The following SHISAL1 variants were observed in gnomAD, a reference collection of about 807,000 sequenced individuals.
The protein encoded by SHISAL1 is shisa like 1.
Under a neutral mutation model 22.6 loss-of-function variants are expected in SHISAL1, and 9 were observed. That is an observed-to-expected ratio of 0.40 (90% confidence interval 0.24 to 0.70). The LOEUF is 0.70. Ranked by LOEUF, SHISAL1 falls within the 30% of genes least tolerant of loss-of-function variation. SHISAL1 has a pLI of 0.39. For synonymous variants in SHISAL1, 119 were observed against 115.4 expected, an observed-to-expected ratio of 1.03 and a Z score of -0.20; for missense variants, 246 against 270.6, an observed-to-expected ratio of 0.91 and a Z score of 0.64.
At chr22:44,257,537 A>G (rs1373937685) in intron 4 of SHISAL1, among the ~76,000 whole-genome samples, 1 of 152,180 alleles carries the variant, frequency 6.6e-6, no homozygotes, top group Admixed American at 6.5e-5. Flanking sequence ...CCCCTGGGCA[A>G]TTTCTGTACT....
At chr22:44,259,452 T>C (rs1384017873) in intron 4 of SHISAL1, among the ~76,000 whole-genome samples, 6 of 123,818 alleles carry the variant, frequency 4.8e-5, no homozygotes, top group East Asian at 2.2e-4. Flanking sequence ...TAGAATAGAA[T>C]AAAAATAAAA....
chr22:44,245,023 C>T lies in SHISAL1; in HGVS notation c.*4662G>A, dbSNP rs2054986689. 6.6e-6 allele frequency: 1 copy of T among 152,316 alleles called. No homozygotes were observed. The highest frequency in any genetic ancestry group is 6.5e-5 in the Admixed American group (1 of 15,282). The allele number at this position is 152,316 out of a possible 1,614,324, so 9.4% of individuals were successfully genotyped here. ...TCTTCCAGAGGGCACAGGGTATGGC[C>T]CCAGCCCAGTGAGGTATTCCTGGAC... On this transcript the variant is annotated 3_prime_UTR_variant, in exon 5 of 5. Coordinates refer to ENST00000381176, the MANE Select transcript of SHISAL1 (RefSeq NM_001099294.2).
chr22:44,282,384 C>T (rs1258713866), intron 4 of SHISAL1, among the ~76,000 whole-genome samples: 1 of 152,228 alleles, frequency 6.6e-6, no homozygotes, highest in African/African-American at 2.4e-5. Context: ...ACCTGACTGC[C>T]CTGTCCTGGC....
chr22:44,297,277 G>C (rs544667145), intron 2 of SHISAL1, among the ~76,000 whole-genome samples: 164 of 152,358 alleles, frequency 1.1e-3, no homozygotes, highest in African/African-American at 3.6e-3. Context: ...CTGAGGCTCA[G>C]AGACCTAAGG....
At position 44,244,156 on chromosome 22, in the gene SHISAL1, G is replaced by A. The variant is rs1416217679; in HGVS notation, c.*5529C>T. Reference sequence around the variant, plus strand: ...AGAAACTGACATGCAATTCCAAGAAGAGGCTCTCTCTTGGGCCACCAGCTT... The same window carrying A: ...AGAAACTGACATGCAATTCCAAGAAAAGGCTCTCTCTTGGGCCACCAGCTT... On this transcript the variant is annotated 3_prime_UTR_variant, in exon 5 of 5. Transcript: ENST00000381176. The A allele has an allele frequency of 2.6e-5, 4 of 152,218 alleles. No individual in the cohort carries two copies. Among genetic ancestry groups the A allele is most frequent in the African/African-American group, 9.6e-5 (4 of 41,458 alleles). 9.4% of individuals were successfully genotyped at this position (152,218 alleles called of 1,614,324 possible). A position where few individuals can be genotyped will look rare whatever the true frequency, so the allele number is the denominator to read the frequency against.
At chr22:44,323,919 A>G in the SHISAL1 span, among the ~76,000 whole-genome samples, 36,100 of 152,124 alleles carry the variant, frequency 0.24, 4,472 homozygotes, top group East Asian at 0.31. Flanking sequence ...CGTCTGCACC[A>G]AACACATTCC....
chr22:44,278,616 A>G lies in SHISAL1; in HGVS notation c.599+6812T>C, dbSNP rs558250662. On this transcript the variant is annotated intron_variant, in intron 4 of 4. Coordinates refer to ENST00000381176, the MANE Select transcript of SHISAL1 (RefSeq NM_001099294.2). ...TGGCTCCGGGTGAACGGGCCTCTCC[A>G]CGCATCTTAATGCCCCCCTGAACCT... Among the ~76,000 whole-genome samples, 13 of 152,262 alleles carry G rather than the reference A, an allele frequency of 8.5e-5. No homozygotes were observed. In the East Asian group the frequency reaches 2.1e-3, roughly 25 times the overall value.
upstream of SHISAL1, among the ~76,000 whole-genome samples, chr22:44,315,492 C>T (rs1018169681): frequency 6.6e-6 from 1 of 152,158 alleles, no homozygotes; most frequent in African/African-American, 2.4e-5. Flanking sequence ...AATTCCCAGC[C>T]TCCTCCTACT....
Position 44,300,975 on chromosome 22 carries a change from T to A in SHISAL1, c.-30A>T, listed in dbSNP as rs2055424656. 1 of 1,604,994 alleles carries A rather than the reference T, an allele frequency of 6.2e-7. No homozygotes were observed. The highest frequency in any genetic ancestry group is 1.1e-5 in the South Asian group (1 of 90,406). ...TGGCTTGCATTGATCCGTCCAGAGCTGCCTGTTCAATGAGAGCCACGAGAG... is the reference window on the plus strand; with the variant it reads ...TGGCTTGCATTGATCCGTCCAGAGCAGCCTGTTCAATGAGAGCCACGAGAG... On this transcript the variant is annotated splice_region_variant and 5_prime_UTR_variant, in exon 2 of 5. Coordinates refer to ENST00000381176, the MANE Select transcript of SHISAL1 (RefSeq NM_001099294.2).
At chr22:44,268,761 C>T (rs1173625310) in intron 4 of SHISAL1, among the ~76,000 whole-genome samples, 3 of 152,134 alleles carry the variant, frequency 2.0e-5, no homozygotes, top group African/African-American at 4.8e-5. Context: ...GGTGGGGAAA[C>T]CTGTGAGGTG....
At chr22:44,287,122 C>G (rs1030470827) in intron 3 of SHISAL1, among the ~76,000 whole-genome samples, 1 of 152,272 alleles carries the variant, frequency 6.6e-6, no homozygotes, top group Non-Finnish European at 1.5e-5. Flanking sequence ...AATTCTTCCT[C>G]TGCCTGGTTT....
rs2054974716 is a variant in SHISAL1, at chr22:44,243,747, A to G, written c.*5938T>C. 1 of 152,260 alleles carries G rather than the reference A, an allele frequency of 6.6e-6. No individual in the cohort carries two copies. The highest frequency in any genetic ancestry group is 2.1e-4 in the South Asian group (1 of 4,830). The allele number at this position is 152,260 out of a possible 1,614,324, so 9.4% of individuals were successfully genotyped here. ...CTACTGTATATAAAGACAAAAGCAGAGCAACAGCGGTCAGTGAAAAACACA... is the reference window on the plus strand; with the variant it reads ...CTACTGTATATAAAGACAAAAGCAGGGCAACAGCGGTCAGTGAAAAACACA... On this transcript the variant is annotated 3_prime_UTR_variant, in exon 5 of 5. Transcript: ENST00000381176.
At chr22:44,269,591 TACACAC>T (rs135419) in intron 4 of SHISAL1, among the ~76,000 whole-genome samples, 5 of 145,028 alleles carry the variant, frequency 3.4e-5, no homozygotes, top group African/African-American at 1.3e-4. Context: ...TACCACACCA[TACACAC>T]ACACACGCCA....
At chr22:44,276,764 G>C (rs928573243) in intron 4 of SHISAL1, among the ~76,000 whole-genome samples, 1 of 152,148 alleles carries the variant, frequency 6.6e-6, no homozygotes, top group Non-Finnish European at 1.5e-5. Flanking sequence ...TCAGGGGAGA[G>C]AGACCAGGGA....
the SHISAL1 span, among the ~76,000 whole-genome samples, chr22:44,323,591 C>T: frequency 6.7e-6 from 1 of 149,506 alleles, no homozygotes; most frequent in African/African-American, 2.5e-5. Flanking sequence ...ACCTCACCCA[C>T]CCATTCATTC....
the SHISAL1 span, among the ~76,000 whole-genome samples, chr22:44,322,863 C>G: frequency 1.3e-5 from 2 of 152,234 alleles, no homozygotes. Flanking sequence ...ACTTCAGCCT[C>G]TTCCTTGGCT....
chr22:44,325,989 A>G, the SHISAL1 span, among the ~76,000 whole-genome samples: 1 of 151,766 alleles, frequency 6.6e-6, no homozygotes, highest in African/African-American at 2.4e-5. Flanking sequence ...CCTTCCCCCA[A>G]CAAACACACT....
chr22:44,328,395 G>A, the SHISAL1 span, among the ~76,000 whole-genome samples: 2 of 152,166 alleles, frequency 1.3e-5, no homozygotes, highest in African/African-American at 2.4e-5. Flanking sequence ...GCTGGGTTCC[G>A]AGTGTGCTCA....
chr22:44,323,104 ACCC>A, the SHISAL1 span, among the ~76,000 whole-genome samples: 1 of 133,298 alleles, frequency 7.5e-6, no homozygotes, highest in Non-Finnish European at 1.6e-5. Context: ...CCATCCATCC[ACCC>A]ATCTACCCAC....
Sources: allele counts gnomAD v4.1 joint callset (sites outside exome capture counted in the v4.1 genomes callset), GRCh38; gene constraint gnomAD v4.1.1; transcripts MANE v1.5; gene names NCBI Gene and HGNC (gene_info 2026-07-23, HGNC 2026-07-21).